NCMAP: variants seen among roughly 807,000 people sequenced by gnomAD.
NCMAP encodes the protein noncompact myelin-associated protein.
Under a neutral mutation model 7.8 loss-of-function variants are expected in NCMAP, and 8 were observed. The ratio of observed to expected loss-of-function variants is 1.02; its 90% CI spans 0.60 to 1.84. The LOEUF (loss-of-function observed/expected upper bound fraction) is 1.84. Ranked by LOEUF, NCMAP falls within the 40% of genes most tolerant of loss-of-function variation. The pLI is 0.00. For missense variants in NCMAP, 112 were observed against 131.4 expected (o/e 0.85, Z 0.72); for synonymous variants, 41 against 52.9 (o/e 0.78, Z 0.98).
intron 1 of NCMAP, among the ~76,000 whole-genome samples, chr1:24,592,069 AG>A (rs1032851466): frequency 6.6e-6 from 1 of 152,202 alleles, no homozygotes; most frequent in African/African-American, 2.4e-5. Context: ...GGGACTGGGG[AG>A]GCCAATGCCT....
At chr1:24,583,290 C>A (rs1333619760) in intron 1 of NCMAP, among the ~76,000 whole-genome samples, 1 of 152,130 alleles carries the variant, frequency 6.6e-6, no homozygotes, top group African/African-American at 2.4e-5. Flanking sequence ...CTATAATGCA[C>A]AGGACAGCCC....
chr1:24,580,553 C>T (rs905709314), intron 1 of NCMAP, among the ~76,000 whole-genome samples: 4 of 152,170 alleles, frequency 2.6e-5, no homozygotes, highest in Admixed American at 6.5e-5. Context: ...CAGGTTCAAG[C>T]GATTCTCCTG....
chr1:24,602,431 G>A lies in NCMAP; in HGVS notation c.167+1407G>A, dbSNP rs916791601. 1.6e-4 allele frequency among the ~76,000 whole-genome samples: 23 copies of A among 144,120 alleles called. 3 individuals are homozygous for A. The highest frequency in any genetic ancestry group is 6.4e-4 in the African/African-American group (22 of 34,354). 94.5% of individuals were successfully genotyped at this position (144,120 alleles called of 152,430 possible). Reference sequence around the variant, plus strand: ...TAAAAATACAAAAAATTAGCCGGGCGCAGTGGTGGGCGCCTGTAGTCCCAG... The same window carrying A: ...TAAAAATACAAAAAATTAGCCGGGCACAGTGGTGGGCGCCTGTAGTCCCAG... On this transcript the variant is annotated intron_variant, in intron 3 of 3. Coordinates refer to ENST00000374392, the MANE Select transcript of NCMAP (RefSeq NM_001010980.5).
intron 1 of NCMAP, among the ~76,000 whole-genome samples, chr1:24,581,775 T>TAAAGTCCTTACAAGACC (rs1442562960): frequency 6.6e-6 from 1 of 152,182 alleles, no homozygotes; most frequent in Non-Finnish European, 1.5e-5. Context: ...TTTACAAGAC[T>TAAAGTCCTTACAAGACC]AAAGTCCTTA....
rs762757917 is a variant in NCMAP, at chr1:24,608,957, C to T, written c.*3210C>T. ...CCACAGTGCAGTCTTCTAAGGGTTA[C>T]CCTCTGGTATATGTTCTTTTGCTAA... On this transcript the variant is annotated 3_prime_UTR_variant, in exon 4 of 4. Coordinates refer to ENST00000374392, the MANE Select transcript of NCMAP (RefSeq NM_001010980.5). 6.6e-6 allele frequency: 1 copy of T among 152,160 alleles called. No individual in the cohort carries two copies. Among genetic ancestry groups the T allele is most frequent in the Non-Finnish European group, 1.5e-5 (1 of 68,064 alleles). The allele number at this position is 152,160 out of a possible 1,614,324, so 9.4% of individuals were successfully genotyped here. A position where few individuals can be genotyped will look rare whatever the true frequency, so the allele number is the denominator to read the frequency against.
chr1:24,583,910 C>G (rs1177683871), intron 1 of NCMAP, among the ~76,000 whole-genome samples: 1 of 152,050 alleles, frequency 6.6e-6, no homozygotes, highest in Admixed American at 6.5e-5. Flanking sequence ...GGGCAAGTCC[C>G]TTAACCTCTC....
chr1:24,601,621 C>T (rs565542811), intron 3 of NCMAP, among the ~76,000 whole-genome samples: 2 of 152,244 alleles, frequency 1.3e-5, no homozygotes, highest in South Asian at 4.1e-4. Context: ...AAAAAGGTAT[C>T]GTGGCCGGGT....
chr1:24,574,350 C>G (rs186787113), intron 1 of NCMAP, among the ~76,000 whole-genome samples: 2 of 151,476 alleles, frequency 1.3e-5, no homozygotes, highest in Non-Finnish European at 2.9e-5. Context: ...AACTCCTGAC[C>G]TCAAGTTATC....
At chr1:24,566,365 G>C (rs1486767837) in intron 1 of NCMAP, among the ~76,000 whole-genome samples, 1 of 152,204 alleles carries the variant, frequency 6.6e-6, no homozygotes, top group Non-Finnish European at 1.5e-5. Context: ...GCCTCTTGAT[G>C]TGGGCAGTGG....
At chr1:24,590,247 A>G (rs1435996385) in intron 1 of NCMAP, among the ~76,000 whole-genome samples, 1 of 152,218 alleles carries the variant, frequency 6.6e-6, no homozygotes, top group African/African-American at 2.4e-5. Context: ...CAAACACTCA[A>G]ATGGTGGCTT....
chr1:24,582,894 T>C (rs1261843954), intron 1 of NCMAP, among the ~76,000 whole-genome samples: 1 of 152,164 alleles, frequency 6.6e-6, no homozygotes, highest in Non-Finnish European at 1.5e-5. Context: ...CCTATGTCTG[T>C]AAAATAGGAA....
intron 2 of NCMAP, among the ~76,000 whole-genome samples, chr1:24,599,039 G>A (rs550866463): frequency 5.1e-4 from 77 of 151,686 alleles, no homozygotes; most frequent in African/African-American, 1.8e-3. Context: ...CAGCACTTTG[G>A]GAGGCTGAGG....
At position 24,607,863 on chromosome 1, in the gene NCMAP, CAA is replaced by C. The variant is rs1159756447; in HGVS notation, c.*2122_*2123del. The stretch of plus-strand genomic sequence containing the variant: ...TGGGCAACAGAGTGAAACTGCATCT[CAA>C]AAAAAGAAAAATCCATTATGAGGGG... On this transcript the variant is annotated 3_prime_UTR_variant, in exon 4 of 4. Coordinates refer to ENST00000374392, the MANE Select transcript of NCMAP (RefSeq NM_001010980.5). 1 of 152,068 alleles carries C rather than the reference CAA, an allele frequency of 6.6e-6. No individual in the cohort carries two copies. Among genetic ancestry groups the C allele is most frequent in the Non-Finnish European group, 1.5e-5 (1 of 68,084 alleles). 9.4% of individuals were successfully genotyped at this position (152,068 alleles called of 1,614,324 possible).
At chr1:24,591,319 G>A (rs2148934233) in intron 1 of NCMAP, among the ~76,000 whole-genome samples, 1 of 152,266 alleles carries the variant, frequency 6.6e-6, no homozygotes, top group East Asian at 1.9e-4. Flanking sequence ...AGGCTGGAGT[G>A]CAGTGGCGCA....
At chr1:24,568,246 G>C (rs770069953) in intron 1 of NCMAP, among the ~76,000 whole-genome samples, 1 of 152,200 alleles carries the variant, frequency 6.6e-6, no homozygotes, top group Non-Finnish European at 1.5e-5. Context: ...AGGCCCGCAC[G>C]GGGCACCTCA....
chr1:24,556,633 G>A (rs2148923049), intron 1 of NCMAP, among the ~76,000 whole-genome samples: 1 of 152,274 alleles, frequency 6.6e-6, no homozygotes, highest in Non-Finnish European at 1.5e-5. Flanking sequence ...GAAAACCCAC[G>A]GCAGAGAAGG....
At chr1:24,591,886 C>A (rs1652059600) in intron 1 of NCMAP, among the ~76,000 whole-genome samples, 1 of 152,206 alleles carries the variant, frequency 6.6e-6, no homozygotes, top group African/African-American at 2.4e-5. Context: ...CCATTCTGAC[C>A]CTGTGAAGCC....
At chr1:24,560,086 G>A (rs112352595) in intron 1 of NCMAP, among the ~76,000 whole-genome samples, 45,722 of 149,806 alleles carry the variant, frequency 0.31, 7,213 homozygotes, top group Admixed American at 0.4. Flanking sequence ...GCGTGAACCC[G>A]GGAAGCGGAG....
At chr1:24,558,153 T>C (rs756807983) in intron 1 of NCMAP, among the ~76,000 whole-genome samples, 7 of 152,202 alleles carry the variant, frequency 4.6e-5, no homozygotes, top group Non-Finnish European at 8.8e-5. Flanking sequence ...GAGGAGTACA[T>C]GAACAGTTGG....
Sources: allele counts gnomAD v4.1 joint callset (sites outside exome capture counted in the v4.1 genomes callset), GRCh38; gene constraint gnomAD v4.1.1; transcripts MANE v1.5; gene names NCBI Gene and HGNC (gene_info 2026-07-23, HGNC 2026-07-21).